Variants in APBA2 observed in about 807,000 individuals in gnomAD.
The protein encoded by APBA2 is amyloid-beta A4 precursor protein-binding family A member 2.
In APBA2, 30 loss-of-function variants were observed where a neutral mutation model predicts 75.0. The observed-to-expected ratio is 0.40, with a 90% CI of 0.30 to 0.54. The LOEUF (loss-of-function observed/expected upper bound fraction) is 0.54. Ranked by LOEUF, APBA2 falls within the 20% of genes least tolerant of loss-of-function variation. The pLI, the probability that APBA2 is intolerant of heterozygous loss-of-function variation, is 0.49. For missense variants in APBA2, 801 were observed against 1,016.1 expected, an observed-to-expected ratio of 0.79 and a Z score of 2.88; for synonymous variants, 444 against 409.6, an observed-to-expected ratio of 1.08 and a Z score of -1.01.
intron 4 of APBA2, among the ~76,000 whole-genome samples, chr15:29,066,814 A>C (rs1382303339): frequency 6.6e-6 from 1 of 152,222 alleles, no homozygotes; most frequent in Non-Finnish European, 1.5e-5. Context: ...AAGTTGAGCC[A>C]GTCTGAACCC....
At chr15:28,915,519 C>A (rs1388579444) in intron 1 of APBA2, among the ~76,000 whole-genome samples, 9 of 150,858 alleles carry the variant, frequency 6.0e-5, no homozygotes, top group Non-Finnish European at 1.2e-4. Context: ...ATACCACACA[C>A]CACACACACC....
chr15:29,046,036 G>A lies in APBA2; in HGVS notation c.-40-7809G>A, dbSNP rs987376948. Among the ~76,000 whole-genome samples the A allele has an allele frequency of 6.6e-6, 1 of 152,156 alleles. No homozygotes were observed. The highest frequency in any genetic ancestry group is 2.4e-5 in the African/African-American group (1 of 41,428). Reference sequence around the variant, plus strand: ...GATTCTTTGACCAGACGTTTTGAGAGTCTGGCAGCCCGGAAAGGTGGGATT... The same window carrying A: ...GATTCTTTGACCAGACGTTTTGAGAATCTGGCAGCCCGGAAAGGTGGGATT... On this transcript the variant is annotated intron_variant, in intron 3 of 14. Coordinates refer to ENST00000683413, the MANE Select transcript of APBA2 (RefSeq NM_001353788.2). The surrounding 1 kb of genome is among the most constrained non-coding windows in gnomAD (Gnocchi z 5.0).
chr15:29,000,535 A>C (rs986833553), intron 3 of APBA2, among the ~76,000 whole-genome samples: 2 of 152,074 alleles, frequency 1.3e-5, no homozygotes, highest in African/African-American at 4.8e-5. Context: ...TTGGCTGACT[A>C]CCTGGCCTCA....
chr15:29,027,219 T>C (rs1035605961), intron 3 of APBA2, among the ~76,000 whole-genome samples: 3 of 152,230 alleles, frequency 2.0e-5, no homozygotes, highest in Admixed American at 2.0e-4. Context: ...AGATGTGACA[T>C]CATGGTAATC....
chr15:28,915,751 C>T (rs2033661613), intron 1 of APBA2, among the ~76,000 whole-genome samples: 1 of 150,502 alleles, frequency 6.6e-6, no homozygotes, highest in African/African-American at 2.4e-5. Flanking sequence ...CACACACACT[C>T]AACTCTTCCA....
At position 29,117,430 on chromosome 15, in the gene APBA2, G is replaced by C. The variant is rs769417252; in HGVS notation, c.*297G>C. On this transcript the variant is annotated 3_prime_UTR_variant, in exon 15 of 15. Transcript: ENST00000683413. ...CCAGGGTGTGTCTCGGTAGCTGTGC[G>C]TGGTGTGGAGTGTGTGTCTTTCCTC... The C allele has an allele frequency of 2.1e-6, 1 of 478,430 alleles. No individual in the cohort carries two copies. The highest frequency in any genetic ancestry group is 3.4e-5 in the Admixed American group (1 of 29,354). The allele number at this position is 478,430 out of a possible 1,614,324, so 29.6% of individuals were successfully genotyped here. A position where few individuals can be genotyped will look rare whatever the true frequency, so the allele number is the denominator to read the frequency against.
intron 1 of APBA2, among the ~76,000 whole-genome samples, chr15:28,887,871 G>C (rs1343653151): frequency 6.6e-6 from 1 of 152,162 alleles, no homozygotes; most frequent in Non-Finnish European, 1.5e-5. Flanking sequence ...GGGGCACCGA[G>C]TCTTCCCTCT....
At chr15:28,892,848 A>G (rs1429163390) in intron 1 of APBA2, among the ~76,000 whole-genome samples, 12 of 152,198 alleles carry the variant, frequency 7.9e-5, no homozygotes, top group African/African-American at 2.7e-4. Flanking sequence ...TTAATTGTCA[A>G]CTGTCTTGGA....
chr15:29,083,826 C>T (rs766794797), intron 6 of APBA2, among the ~76,000 whole-genome samples: 1 of 152,144 alleles, frequency 6.6e-6, no homozygotes, highest in Non-Finnish European at 1.5e-5. Context: ...CCACCGCGCC[C>T]GGCCCACTAC....
chr15:29,091,277 T>TG (rs1026377443), intron 6 of APBA2, among the ~76,000 whole-genome samples: 2 of 151,962 alleles, frequency 1.3e-5, no homozygotes, highest in African/African-American at 2.4e-5. Context: ...AGGGGAGGGA[T>TG]GGGGGTCCCT....
chr15:29,005,236 T>C (rs1317942089), intron 3 of APBA2, among the ~76,000 whole-genome samples: 1 of 152,182 alleles, frequency 6.6e-6, no homozygotes, highest in African/African-American at 2.4e-5. Context: ...TTGATTTCCT[T>C]ATCTGGACAA....
intron 2 of APBA2, among the ~76,000 whole-genome samples, chr15:28,975,998 T>A (rs2037317667): frequency 6.6e-6 from 1 of 152,224 alleles, no homozygotes; most frequent in Non-Finnish European, 1.5e-5. Context: ...TGGAAGACAA[T>A]ACTCCAAATC....
chr15:28,958,750 C>A (rs1219080388), intron 2 of APBA2, among the ~76,000 whole-genome samples: 2 of 152,218 alleles, frequency 1.3e-5, no homozygotes, highest in East Asian at 3.9e-4. Flanking sequence ...GAGACAACTT[C>A]AGACTCTGTG....
chr15:28,920,024 T>C (rs1343764844), intron 1 of APBA2, among the ~76,000 whole-genome samples: 2 of 152,166 alleles, frequency 1.3e-5, no homozygotes, highest in Admixed American at 6.5e-5. Context: ...TTATCTTCCT[T>C]CTTTAAGGCT....
chr15:28,948,769 G>A (rs189432619), intron 2 of APBA2, among the ~76,000 whole-genome samples: 3 of 152,316 alleles, frequency 2.0e-5, no homozygotes, highest in African/African-American at 7.2e-5. Flanking sequence ...ATCTTTGCTA[G>A]TGCTCACTGC....
In APBA2 at chr15:29,062,164, T is replaced by C. The variant is rs922948431; in HGVS notation, c.951+7329T>C. On this transcript the variant is annotated intron_variant, in intron 4 of 14. Coordinates refer to ENST00000683413, the MANE Select transcript of APBA2 (RefSeq NM_001353788.2). ...CAGCCCCCAGGCCTCAGTGGAGTAG[T>C]CGGCTCCCTCCTTTCTGCAGCCATG... Among the ~76,000 whole-genome samples, 8 of 152,230 alleles carry C rather than the reference T, an allele frequency of 5.3e-5. No individual in the cohort carries two copies. In the East Asian group the frequency reaches 1.5e-3, roughly 29 times the overall value.
intron 2 of APBA2, among the ~76,000 whole-genome samples, chr15:28,978,437 C>T (rs1255538370): frequency 6.6e-6 from 1 of 152,178 alleles, no homozygotes; most frequent in Non-Finnish European, 1.5e-5. Flanking sequence ...TTGCCCCAGG[C>T]CGGTGGCACA....
At chr15:28,993,269 G>A (rs1298906453) in intron 2 of APBA2, among the ~76,000 whole-genome samples, 2 of 152,328 alleles carry the variant, frequency 1.3e-5, no homozygotes, top group African/African-American at 4.8e-5. Flanking sequence ...GGAGACATAG[G>A]TCACTCGAAT....
chr15:29,101,693 C>T lies in APBA2; in HGVS notation c.1433C>T (p.Ser478Leu). 1 of 1,613,702 alleles carries T rather than the reference C, an allele frequency of 6.2e-7. No homozygotes were observed. The highest frequency in any genetic ancestry group is 8.5e-7 in the Non-Finnish European group (1 of 1,180,038). Reference protein sequence around the residue: ...VLMARRRMPRSASQDCIETTP... With the variant: ...VLMARRRMPRLASQDCIETTP... ...ATGGCCAGACGCCGCATGCCCCGGT[C>T]AGCCTCTCAGGACTGCATCGAGACC... The change falls in exon 10 of 15, where the codon TCA becomes TTA. Residue 478 changes from serine (S) to leucine (L), a missense_variant. Ser to Leu is a moderately radical substitution (Grantham distance 145). Transcript: ENST00000683413.
Sources: allele counts gnomAD v4.1 joint callset (sites outside exome capture counted in the v4.1 genomes callset), GRCh38; gene constraint gnomAD v4.1.1; non-coding constraint Gnocchi (gnomAD v3.1); transcripts MANE v1.5; gene names NCBI Gene and HGNC (gene_info 2026-07-23, HGNC 2026-07-21).